The following DLGAP1 variants were observed in gnomAD, a reference collection of about 807,000 sequenced individuals.
DLGAP1 encodes the protein DLG associated protein 1.
DLGAP1 carries 11 observed loss-of-function variants against 90.8 expected under a neutral mutation model. The observed-to-expected ratio is 0.12, with a 90% CI of 0.08 to 0.20. DLGAP1 has a LOEUF of 0.20. DLGAP1 is among the 10% of genes least tolerant of loss of function. DLGAP1 has a pLI of 1.00. For missense variants in DLGAP1, 1,050 were observed against 1,333.8 expected, an observed-to-expected ratio of 0.79 and a Z score of 3.31; for synonymous variants, 558 against 540.7, an observed-to-expected ratio of 1.03 and a Z score of -0.44.
At chr18:3,761,204 C>T (rs549987634) in intron 5 of DLGAP1, among the ~76,000 whole-genome samples, 3 of 152,218 alleles carry the variant, frequency 2.0e-5, no homozygotes, top group Non-Finnish European at 4.4e-5. Context: ...TTTCTTATCC[C>T]AAACTGAAAC....
At chr18:3,906,724 T>C (rs2071915381) in intron 3 of DLGAP1, among the ~76,000 whole-genome samples, 1 of 152,164 alleles carries the variant, frequency 6.6e-6, no homozygotes, top group South Asian at 2.1e-4. Flanking sequence ...ATGTAAATAA[T>C]TGGAAAAATG....
At chr18:4,106,099 G>T (rs1178172501) in intron 2 of DLGAP1, among the ~76,000 whole-genome samples, 1 of 150,162 alleles carries the variant, frequency 6.7e-6, no homozygotes, top group East Asian at 2.0e-4. Context: ...TTTAAAAAAG[G>T]TTTTTGTTTT....
intron 1 of DLGAP1, among the ~76,000 whole-genome samples, chr18:4,296,559 T>C (rs1175503500): frequency 6.6e-6 from 1 of 152,266 alleles, no homozygotes; most frequent in Non-Finnish European, 1.5e-5. Context: ...AGTCATTTTA[T>C]AGTTTAATTC....
chr18:4,413,707 C>T lies in DLGAP1; in HGVS notation c.-267+41299G>A, dbSNP rs781679811. 5.9e-5 allele frequency among the ~76,000 whole-genome samples: 9 copies of T among 152,190 alleles called. No homozygotes were observed. In the Middle Eastern group the frequency reaches 0.01, roughly 173 times the overall value. On this transcript the variant is annotated intron_variant, in intron 1 of 12. Coordinates refer to ENST00000315677, the MANE Select transcript of DLGAP1 (RefSeq NM_004746.4). ...TAAAATCTAGTGTTAGGTATTAGGA[C>T]GGGGTTTCCTTTGTAGGAAGGCAGT...
chr18:3,548,863 C>A (rs765234366), intron 9 of DLGAP1, among the ~76,000 whole-genome samples: 6 of 152,014 alleles, frequency 3.9e-5, no homozygotes, highest in Admixed American at 1.3e-4. Context: ...ATGGCGAAAC[C>A]CCCTCTCTAC....
At chr18:4,243,042 A>G (rs1421976505) in intron 1 of DLGAP1, among the ~76,000 whole-genome samples, 1 of 152,066 alleles carries the variant, frequency 6.6e-6, no homozygotes, top group Non-Finnish European at 1.5e-5. Context: ...GAAAGGGGAG[A>G]GTGCTCAGTT....
chr18:3,543,155 C>A (rs56050423), intron 9 of DLGAP1, among the ~76,000 whole-genome samples: 38,047 of 144,264 alleles, frequency 0.26, 5,265 homozygotes, highest in East Asian at 0.43. Flanking sequence ...TCTTTTGTTC[C>A]CATGACTCCA....
rs2049764620 is a variant in DLGAP1, at chr18:3,498,402, G to A, written c.*783C>T. On this transcript the variant is annotated 3_prime_UTR_variant, in exon 13 of 13. Coordinates refer to ENST00000315677, the MANE Select transcript of DLGAP1 (RefSeq NM_004746.4). ...AAACCATCAGTGCCTCCTTTGCCTTGCTTCATGTTATTGCCTTTCAGAATA... is the reference window on the plus strand; with the variant it reads ...AAACCATCAGTGCCTCCTTTGCCTTACTTCATGTTATTGCCTTTCAGAATA... The A allele has an allele frequency of 6.6e-6, 1 of 152,202 alleles. No homozygotes were observed. The highest frequency in any genetic ancestry group is 1.5e-5 in the Non-Finnish European group (1 of 68,040). The allele number at this position is 152,202 out of a possible 1,614,324, so 9.4% of individuals were successfully genotyped here.
intron 7 of DLGAP1, among the ~76,000 whole-genome samples, chr18:3,648,017 A>T (rs928977868): frequency 2.0e-5 from 3 of 152,252 alleles, no homozygotes; most frequent in Non-Finnish European, 4.4e-5. Flanking sequence ...TAGAAGGCTA[A>T]AAAGGAAATT....
chr18:3,967,975 G>A (rs1227867436), intron 3 of DLGAP1, among the ~76,000 whole-genome samples: 2 of 151,498 alleles, frequency 1.3e-5, no homozygotes, highest in Non-Finnish European at 2.9e-5. Flanking sequence ...TGGCTGTTTT[G>A]AACATTTCAT....
At chr18:3,712,650 A>G (rs2061634277) in intron 7 of DLGAP1, among the ~76,000 whole-genome samples, 1 of 152,182 alleles carries the variant, frequency 6.6e-6, no homozygotes, top group Admixed American at 6.5e-5. Context: ...CAGGGGGCTA[A>G]TTACTGGGGA....
At chr18:4,099,570 A>G (rs1236765703) in intron 2 of DLGAP1, among the ~76,000 whole-genome samples, 1 of 152,210 alleles carries the variant, frequency 6.6e-6, no homozygotes, top group African/African-American at 2.4e-5. Flanking sequence ...AATGCTAATG[A>G]TCATCTGAGC....
At chr18:4,209,103 G>A (rs779282712) in intron 1 of DLGAP1, among the ~76,000 whole-genome samples, 3 of 152,160 alleles carry the variant, frequency 2.0e-5, no homozygotes, top group Non-Finnish European at 4.4e-5. Context: ...GTCAACTGAT[G>A]GTGCTGAGGG....
At chr18:3,979,506 G>T (rs557539565) in intron 3 of DLGAP1, among the ~76,000 whole-genome samples, 1 of 152,258 alleles carries the variant, frequency 6.6e-6, no homozygotes, top group African/African-American at 2.4e-5. Flanking sequence ...TTTGAAAAGC[G>T]TATCTCTTAG....
chr18:4,238,216 T>A (rs191787205), intron 1 of DLGAP1, among the ~76,000 whole-genome samples: 1 of 152,188 alleles, frequency 6.6e-6, no homozygotes, highest in Non-Finnish European at 1.5e-5. Context: ...CTTCAAAATA[T>A]TGTGAGTTAA....
At chr18:4,154,233 T>C (rs1416146868) in intron 1 of DLGAP1, among the ~76,000 whole-genome samples, 2 of 151,706 alleles carry the variant, frequency 1.3e-5, no homozygotes, top group African/African-American at 4.8e-5. Flanking sequence ...GCTATTTTTT[T>C]TTTTTTTTTT....
At chr18:3,867,056 G>A (rs2148773200) in intron 4 of DLGAP1, among the ~76,000 whole-genome samples, 1 of 152,232 alleles carries the variant, frequency 6.6e-6, no homozygotes, top group African/African-American at 2.4e-5. Flanking sequence ...GTTTCACTAT[G>A]TTGGCCATGC....
At chr18:3,815,430 CAAAT>C in intron 4 of DLGAP1, among the ~76,000 whole-genome samples, 1 of 152,092 alleles carries the variant, frequency 6.6e-6, no homozygotes. Flanking sequence ...CACATACACA[CAAAT>C]AACACCTCTT....
intron 1 of DLGAP1, among the ~76,000 whole-genome samples, chr18:4,318,336 T>C (rs558577379): frequency 6.6e-6 from 1 of 152,272 alleles, no homozygotes; most frequent in African/African-American, 2.4e-5. Flanking sequence ...AATTTACAAA[T>C]ACGTATAGAG....
Sources: gnomAD v4.1 joint callset for allele counts (sites outside exome capture counted in the v4.1 genomes callset) on GRCh38, gnomAD v4.1.1 for gene constraint, MANE v1.5 for transcripts, NCBI Gene and HGNC (gene_info 2026-07-23, HGNC 2026-07-21) for gene names.